CST2: variants seen among roughly 807,000 people sequenced by gnomAD.
CST2 encodes the protein cystatin SA.
In CST2, 26 loss-of-function variants were observed where a neutral mutation model predicts 13.4. The observed-to-expected ratio is 1.95, with a 90% confidence interval of 1.43 to 2.70. The LOEUF is 2.70. Ranked by LOEUF, CST2 falls within the 30% of genes most tolerant of loss-of-function variation. CST2 has a pLI of 0.00. For missense variants in CST2, 243 were observed against 173.4 expected, an observed-to-expected ratio of 1.40 and a Z score of -2.25; for synonymous variants, 105 against 71.1, an observed-to-expected ratio of 1.48 and a Z score of -2.40.
chr20:23,825,063 C>G (rs567564158), intron 2 of CST2, 147 bp downstream of exon 2: 16 of 1,143,126 alleles, frequency 1.4e-5, no homozygotes, highest in Non-Finnish European at 2.1e-5. Flanking sequence ...TCCACAAGTA[C>G]ATGAACATGT....
In CST2 at chr20:23,825,285, C is replaced by T. The variant is rs1984795630; in HGVS notation, c.267G>A (p.Val89=). ...GGGACTTGGTACATATGGTTCGGCCCACCTCTATGTCGAAGAAGTAATTCA... is the reference window on the plus strand; with the variant it reads ...GGGACTTGGTACATATGGTTCGGCCTACCTCTATGTCGAAGAAGTAATTCA... The part of the protein sequence containing the change: ...GGVNYFFDIE[V]GRTICTKSQP... Residue 89 remains valine (V), a synonymous_variant, in exon 2 of 3, where the codon GTG becomes GTA. Coordinates refer to ENST00000304725, the MANE Select transcript of CST2 (RefSeq NM_001322.3). 1.9e-6 allele frequency: 3 copies of T among 1,613,934 alleles called. No homozygotes were observed. Among genetic ancestry groups the T allele is most frequent in the Non-Finnish European group, 2.5e-6 (3 of 1,180,014 alleles).
intron 2 of CST2, among the ~76,000 whole-genome samples, 177 bp downstream of exon 2, chr20:23,825,033 C>T (rs1334914376): frequency 2.0e-5 from 3 of 152,052 alleles, no homozygotes; most frequent in African/African-American, 7.2e-5. Flanking sequence ...TTTCCACATG[C>T]ACATCTACAT....
Position 23,823,780 on chromosome 20 carries a change from T to G in CST2, c.*240A>C, listed in dbSNP as rs1984736823. The stretch of plus-strand genomic sequence containing the variant: ...AGAACTCAGAGGGAGGTGATGCTAC[T>G]GTTTAATTGCAGGAGGTGGGGGTGT... On this transcript the variant is annotated 3_prime_UTR_variant, in exon 3 of 3. Transcript: ENST00000304725. 1.9e-6 allele frequency: 1 copy of G among 537,066 alleles called. No individual in the cohort carries two copies. The highest frequency in any genetic ancestry group is 3.1e-5 in the Admixed American group (1 of 32,314). 33.3% of individuals were successfully genotyped at this position (537,066 alleles called of 1,614,324 possible).
chr20:23,823,919 TG>T lies in CST2; in HGVS notation c.*100del. The T allele has an allele frequency of 7.8e-7, 1 of 1,287,818 alleles. No homozygotes were observed. The highest frequency in any genetic ancestry group is 1.1e-6 in the Non-Finnish European group (1 of 898,046). 79.8% of individuals were successfully genotyped at this position (1,287,818 alleles called of 1,614,324 possible). On this transcript the variant is annotated 3_prime_UTR_variant, in exon 3 of 3. Coordinates refer to ENST00000304725, the MANE Select transcript of CST2 (RefSeq NM_001322.3). ...TCTGTCTTCTCCTGCTGCAGGTGCATGGGGAGACCTCCCACAGGGTGGGGGC... is the reference window on the plus strand; with the variant it reads ...TCTGTCTTCTCCTGCTGCAGGTGCATGGGAGACCTCCCACAGGGTGGGGGC...
chr20:23,824,874 C>T (rs1984777311), intron 2 of CST2, among the ~76,000 whole-genome samples: 1 of 152,092 alleles, frequency 6.6e-6, no homozygotes, highest in Admixed American at 6.6e-5. Flanking sequence ...ACCACCCCAT[C>T]TGCACACACA....
chr20:23,826,004 G>A (rs1479879743), intron 1 of CST2, among the ~76,000 whole-genome samples: 2 of 152,202 alleles, frequency 1.3e-5, no homozygotes, highest in Non-Finnish European at 2.9e-5. Flanking sequence ...GGCAGGGTCA[G>A]GCGTGCTCCA....
In CST2 at chr20:23,823,920, G is replaced by T; in HGVS notation, c.*100C>A. The T allele has an allele frequency of 8.7e-7, 1 of 1,151,020 alleles. No individual in the cohort carries two copies. The highest frequency in any genetic ancestry group is 1.2e-6 in the Non-Finnish European group (1 of 809,086). The allele number at this position is 1,151,020 out of a possible 1,614,324, so 71.3% of individuals were successfully genotyped here. A position where few individuals can be genotyped will look rare whatever the true frequency, so the allele number is the denominator to read the frequency against. The stretch of plus-strand genomic sequence containing the variant: ...CTGTCTTCTCCTGCTGCAGGTGCAT[G>T]GGGAGACCTCCCACAGGGTGGGGGC... On this transcript the variant is annotated 3_prime_UTR_variant, in exon 3 of 3. Transcript: ENST00000304725.
intron 2 of CST2, 84 bp from the exon 3 acceptor site, chr20:23,824,187 G>T (rs1163433233): frequency 7.7e-6 from 11 of 1,423,830 alleles, no homozygotes; most frequent in Admixed American, 3.5e-5. Context: ...CACAGCCTGA[G>T]TGAGGAGGAT....
chr20:23,824,529 T>G (rs1260509025), intron 2 of CST2, among the ~76,000 whole-genome samples: 2 of 151,952 alleles, frequency 1.3e-5, no homozygotes, highest in Non-Finnish European at 1.5e-5. Context: ...CATGGGGCAA[T>G]GGTAACAAGG....
At chr20:23,826,407 A>C in intron 1 of CST2, 26 bp downstream of exon 1, 1 of 1,602,056 alleles carries the variant, frequency 6.2e-7, no homozygotes, top group Non-Finnish European at 8.5e-7. Flanking sequence ...GGGACTCAGG[A>C]CCCCTCAGGT....
rs558168351 is a variant in CST2, at chr20:23,824,179, C to T, written c.343-76G>A. Reference sequence around the variant, plus strand: ...GAAGTCACCCAGGCATGAGATGTCACAGCCTGAGTGAGGAGGATGGAGGTG... The same window carrying T: ...GAAGTCACCCAGGCATGAGATGTCATAGCCTGAGTGAGGAGGATGGAGGTG... On this transcript the variant is annotated intron_variant, in intron 2 of 2. Coordinates refer to ENST00000304725, the MANE Select transcript of CST2 (RefSeq NM_001322.3). 7 of 1,469,086 alleles carry T rather than the reference C, an allele frequency of 4.8e-6. No individual in the cohort carries two copies. In the East Asian group the frequency reaches 1.4e-4, roughly 29 times the overall value. 91.0% of individuals were successfully genotyped at this position (1,469,086 alleles called of 1,614,324 possible).
chr20:23,826,260 C>T (rs1362945351), intron 1 of CST2, among the ~76,000 whole-genome samples, 173 bp downstream of exon 1: 2 of 152,178 alleles, frequency 1.3e-5, no homozygotes, highest in Non-Finnish European at 2.9e-5. Flanking sequence ...TAGTCTCCAT[C>T]CCCCGGGAGC....
At position 23,826,615 on chromosome 20, in the gene CST2, C is replaced by G. The variant is rs148108132; in HGVS notation, c.46G>C (p.Ala16Pro). ...CTLLLLLATQ[A>P]VALAWSPQEE... is the part of the protein sequence containing the mutation. Reference sequence around the variant, plus strand: ...TGGGGGCTCCAGGCCAGGGCCACAGCCTGGGTGGCCAGCAGGAGCAGCAGG... The same window carrying G: ...TGGGGGCTCCAGGCCAGGGCCACAGGCTGGGTGGCCAGCAGGAGCAGCAGG... Residue 16 changes from alanine (A) to proline (P), a missense_variant, in exon 1 of 3, where the codon GCT (alanine) becomes CCT (proline). Coordinates refer to ENST00000304725, the MANE Select transcript of CST2 (RefSeq NM_001322.3). The G allele has an allele frequency of 8.1e-5, 131 of 1,612,808 alleles. No homozygotes were observed. The African/African-American group carries it at 1.6e-3, about 19-fold the overall frequency.
intron 2 of CST2, 43 bp downstream of exon 2, chr20:23,825,167 T>C (rs1326082368): frequency 6.2e-7 from 1 of 1,610,060 alleles, no homozygotes; most frequent in South Asian, 1.1e-5. Flanking sequence ...TACGCACCCC[T>C]CTGCAGTGCA....
chr20:23,824,170 G>C (rs1984753852), intron 2 of CST2, 67 bp from the exon 3 acceptor site: 1 of 1,521,924 alleles, frequency 6.6e-7, no homozygotes, highest in African/African-American at 1.4e-5. Flanking sequence ...ACCCAGGCAT[G>C]AGATGTCACA....
At position 23,826,675 on chromosome 20, in the gene CST2, C is replaced by T; in HGVS notation, c.-15G>A. The stretch of plus-strand genomic sequence containing the variant: ...GGCCAGGCCATGGTCTCCTCGGAGG[C>T]AGAGCACAGAGCTGGAGCTGCAGGA... On this transcript the variant is annotated 5_prime_UTR_variant, in exon 1 of 3. Transcript: ENST00000304725. The T allele has an allele frequency of 6.4e-7, 1 of 1,574,384 alleles. No individual in the cohort carries two copies. Among genetic ancestry groups the T allele is most frequent in the Non-Finnish European group, 8.6e-7 (1 of 1,160,758 alleles).
chr20:23,823,814 T>C lies in CST2; in HGVS notation c.*206A>G, dbSNP rs1448986999. The C allele has an allele frequency of 3.4e-6, 2 of 589,378 alleles. No individual in the cohort carries two copies. Among genetic ancestry groups the C allele is most frequent in the Non-Finnish European group, 6.1e-6 (2 of 328,526 alleles). The allele number at this position is 589,378 out of a possible 1,614,324, so 36.5% of individuals were successfully genotyped here. On this transcript the variant is annotated 3_prime_UTR_variant, in exon 3 of 3. Coordinates refer to ENST00000304725, the MANE Select transcript of CST2 (RefSeq NM_001322.3). The stretch of plus-strand genomic sequence containing the variant: ...GCAGGAGGTGGGGGTGTGTGTACCA[T>C]GTACCAGGGCTATGAGAAGCAAAAG...
At chr20:23,825,421 G>C (rs1172605372) in intron 1 of CST2, 98 bp from the exon 2 acceptor site, 1 of 1,291,608 alleles carries the variant, frequency 7.7e-7, no homozygotes, top group Non-Finnish European at 1.1e-6. Context: ...CTTGCTTGGG[G>C]GCTTCGTGAG....
Position 23,823,896 on chromosome 20 carries a change from T to C in CST2, c.*124A>G. Reference sequence around the variant, plus strand: ...AACAAAGGCCTCCTGCAGCCTTCTCTGTCTTCTCCTGCTGCAGGTGCATGG... The same window carrying C: ...AACAAAGGCCTCCTGCAGCCTTCTCCGTCTTCTCCTGCTGCAGGTGCATGG... On this transcript the variant is annotated 3_prime_UTR_variant, in exon 3 of 3. Transcript: ENST00000304725. 9.9e-7 allele frequency: 1 copy of C among 1,009,712 alleles called. No homozygotes were observed. The highest frequency in any genetic ancestry group is 1.5e-6 in the Non-Finnish European group (1 of 669,430). The allele number at this position is 1,009,712 out of a possible 1,614,324, so 62.5% of individuals were successfully genotyped here.
Sources: gnomAD v4.1 joint callset for allele counts (sites outside exome capture counted in the v4.1 genomes callset) on GRCh38, gnomAD v4.1.1 for gene constraint, MANE v1.5 for transcripts, NCBI Gene and HGNC (gene_info 2026-07-23, HGNC 2026-07-21) for gene names.